DDB1: variants seen among roughly 807,000 people sequenced by gnomAD.
DDB1 encodes DNA damage-binding protein 1.
DDB1 carries 18 observed loss-of-function variants against 133.1 expected under a neutral mutation model. That is an observed-to-expected ratio of 0.14 (90% CI 0.09 to 0.20). DDB1 has a LOEUF of 0.20. Ranked by LOEUF, DDB1 falls within the 10% of genes least tolerant of loss-of-function variation. DDB1 has a pLI of 1.00. For missense variants in DDB1, 828 were observed against 1,459.2 expected, an observed-to-expected ratio of 0.57 and a Z score of 7.05; for synonymous variants, 580 against 550.5, an observed-to-expected ratio of 1.05 and a Z score of -0.75.
rs540988331 is a variant in DDB1, at chr11:61,300,358, C to A, written c.3340-139G>T. 28 of 855,082 alleles carry A rather than the reference C, an allele frequency of 3.3e-5. No individual in the cohort carries two copies. In the African/African-American group the frequency reaches 4.5e-4, roughly 14 times the overall value. The allele number at this position is 855,082 out of a possible 1,614,324, so 53.0% of individuals were successfully genotyped here. On this transcript the variant is annotated intron_variant, in intron 26 of 26. Transcript: ENST00000301764. ...GGAAGGACTCACCAGAAACCCACGC[C>A]TCCCCCTGGGTGGCACAGGTCAGCA...
chr11:61,300,204 C>A lies in DDB1; in HGVS notation c.3355G>T (p.Gly1119Cys). 6.2e-7 allele frequency: 1 copy of A among 1,614,146 alleles called. No individual in the cohort carries two copies. Among genetic ancestry groups the A allele is most frequent in the Non-Finnish European group, 8.5e-7 (1 of 1,180,016 alleles). The change falls in exon 27 of 27, where the codon GGT becomes TGT. Residue 1119 changes from glycine to cysteine, a missense_variant. Gly to Cys is a radical substitution (Grantham distance 159). This residue lies in a region of DDB1 where 116 missense variants were observed against 221.6 expected (regional missense o/e 0.52). Coordinates refer to ENST00000301764, the MANE Select transcript of DDB1 (RefSeq NM_001923.5). Reference sequence around the variant, plus strand: ...TCTGCAGTGGCCTCTCGCTTCATACCGCTGCCATCGTCATACTGCAATGAG... The same window carrying A: ...TCTGCAGTGGCCTCTCGCTTCATACAGCTGCCATCGTCATACTGCAATGAG... Reference protein sequence around the residue: ...VANLQYDDGSGMKREATADDL... With the variant: ...VANLQYDDGSCMKREATADDL...
At chr11:61,322,666 A>T in intron 8 of DDB1, 1 of 550,628 alleles carries the variant, frequency 1.8e-6, no homozygotes. Flanking sequence ...ATGTTTGAAA[A>T]TTAATGTAAA....
chr11:61,315,354 T>C (rs911016476), intron 12 of DDB1: 3 of 152,156 alleles, frequency 2.0e-5, no homozygotes, highest in East Asian at 3.8e-4. Flanking sequence ...AGTTTATATA[T>C]AAGGATGAAA....
intron 18 of DDB1, 48 bp from the exon 19 acceptor site, chr11:61,310,466 T>G (rs1855946474): frequency 6.5e-7 from 1 of 1,544,110 alleles, no homozygotes. Flanking sequence ...ACAGAAGAAG[T>G]GCTGAGACAT....
At chr11:61,317,620 C>T (rs1856113485) in intron 10 of DDB1, among the ~76,000 whole-genome samples, 1 of 152,158 alleles carries the variant, frequency 6.6e-6, no homozygotes. Flanking sequence ...GATTCTCCTG[C>T]CTCAGCCTCC....
chr11:61,308,810 C>T (rs1392486781), intron 21 of DDB1, among the ~76,000 whole-genome samples, 173 bp downstream of exon 21: 1 of 152,286 alleles, frequency 6.6e-6, no homozygotes, highest in East Asian at 1.9e-4. Flanking sequence ...TAGTCTAATG[C>T]GTGGTTCAAC....
In DDB1 at chr11:61,326,826, G is replaced by A; in HGVS notation, c.617C>T (p.Pro206Leu). 2 of 1,614,100 alleles carry A rather than the reference G, an allele frequency of 1.2e-6. No individual in the cohort carries two copies. The highest frequency in any genetic ancestry group is 1.1e-5 in the South Asian group (1 of 91,076). The change falls in exon 5 of 27, where the codon CCT becomes CTT. Residue 206 changes from proline to leucine, a missense_variant. Pro to Leu is a moderately conservative substitution (Grantham distance 98). Coordinates refer to ENST00000301764, the MANE Select transcript of DDB1 (RefSeq NM_001923.5). Reference sequence around the variant, plus strand: ...AGCTTCGACATTTTCCTGTTTCCAAGGGCCCTTATTGAATTCCTTTTCTCG... The same window carrying A: ...AGCTTCGACATTTTCCTGTTTCCAAAGGCCCTTATTGAATTCCTTTTCTCG... ...SLREKEFNKG[P>L]WKQENVEAEA...
intron 10 of DDB1, among the ~76,000 whole-genome samples, chr11:61,319,639 C>T (rs569981960): frequency 2.6e-5 from 4 of 152,182 alleles, no homozygotes; most frequent in African/African-American, 9.6e-5. Flanking sequence ...ACCATGCTGG[C>T]CAGGATGATC....
intron 10 of DDB1, among the ~76,000 whole-genome samples, chr11:61,316,962 T>TGGC (rs1856089066): frequency 4.1e-5 from 1 of 24,112 alleles, no homozygotes; most frequent in Non-Finnish European, 1.1e-4. Context: ...TATATATATA[T>TGGC]ATATATATAT....
chr11:61,316,427 G>C, intron 11 of DDB1, 34 bp from the exon 12 acceptor site: 1 of 1,613,244 alleles, frequency 6.2e-7, no homozygotes, highest in South Asian at 1.1e-5. Flanking sequence ...GTCAGCCTGG[G>C]ACCAGCTTCC....
At chr11:61,303,700 C>CAAAAAAAAAAAAAAAAAAAAAAAAAAAA (rs59840297) in intron 22 of DDB1, among the ~76,000 whole-genome samples, 165 bp downstream of exon 22, 1 of 44,250 alleles carries the variant, frequency 2.3e-5, no homozygotes, top group African/African-American at 7.2e-5. Flanking sequence ...GACTGCGTCT[C>CAAAAAAAAAAAAAAAAAAAAAAAAAAAA]AAAAAAAAAA....
rs772785268 is a variant in DDB1, at chr11:61,303,895, G to T, written c.2802C>A (p.Ala934=). The part of the protein sequence containing the change: ...GDLMRSVLLL[A]YKPMEGNFEE... ...CAAAGTTTCCTTCCATGGGCTTGTA[G>T]GCAAGCAGCAGCACTGAGCGCATAA... The change falls in exon 22 of 27, where the codon GCC becomes GCA. Residue 934 remains alanine, a synonymous_variant. Transcript: ENST00000301764. 6.2e-7 allele frequency: 1 copy of T among 1,613,970 alleles called. No homozygotes were observed. Among genetic ancestry groups the T allele is most frequent in the Non-Finnish European group, 8.5e-7 (1 of 1,180,000 alleles).
intron 22 of DDB1, 128 bp downstream of exon 22, chr11:61,303,737 A>G: frequency 1.4e-6 from 1 of 737,630 alleles, no homozygotes; most frequent in Non-Finnish European, 2.2e-6. Context: ...TAATCAATGT[A>G]GAATGTCTGC....
intron 10 of DDB1, among the ~76,000 whole-genome samples, chr11:61,319,282 T>C (rs1285530945): frequency 6.6e-6 from 1 of 152,216 alleles, no homozygotes; most frequent in African/African-American, 2.4e-5. Flanking sequence ...TATCATACAC[T>C]GAATTTCCAC....
chr11:61,316,630 G>A lies in DDB1; in HGVS notation c.1226-63C>T, dbSNP rs1205151506. 2.2e-5 allele frequency: 34 copies of A among 1,551,692 alleles called. No individual in the cohort carries two copies. The Admixed American group carries it at 4.2e-4, about 19-fold the overall frequency. On this transcript the variant is annotated intron_variant, in intron 10 of 26. Transcript: ENST00000301764. ...ACCAACACTTAGCATGCATATCTAC[G>A]GACAGGGCAGGCCAGGGGCAGTGGC...
In DDB1 at chr11:61,323,965, A is replaced by T; in HGVS notation, c.921+14T>A. On this transcript the variant is annotated intron_variant, in intron 7 of 26. Coordinates refer to ENST00000301764, the MANE Select transcript of DDB1 (RefSeq NM_001923.5). Reference sequence around the variant, plus strand: ...AAAAGAACATTGTAGAGGAACAGGGAGAACAAGCTCTACCTCTCCAAGGAG... The same window carrying T: ...AAAAGAACATTGTAGAGGAACAGGGTGAACAAGCTCTACCTCTCCAAGGAG... 1.2e-6 allele frequency: 2 copies of T among 1,613,354 alleles called. No individual in the cohort carries two copies. The highest frequency in any genetic ancestry group is 3.3e-5 in the Admixed American group (2 of 59,972).
chr11:61,306,933 A>C (rs79381667), intron 21 of DDB1, among the ~76,000 whole-genome samples: 2,614 of 152,252 alleles, frequency 0.017, 85 homozygotes, highest in African/African-American at 0.059. Context: ...TCTGGTCCTA[A>C]AACAATGAAT....
intron 1 of DDB1, 140 bp downstream of exon 1, chr11:61,332,768 G>T: frequency 1.5e-6 from 1 of 674,582 alleles, no homozygotes. Context: ...CGCGGTGCTG[G>T]GGGAGGTTCC....
Position 61,310,255 on chromosome 11 carries a change from G to T in DDB1, c.2401+40C>A, listed in dbSNP as rs1426874369. On this transcript the variant is annotated intron_variant, in intron 19 of 26. Transcript: ENST00000301764. Reference sequence around the variant, plus strand: ...AGAGCCCAGAACAGCCTGGATTAGGGAGGGCGTAGATAAAAATTATCGAAA... The same window carrying T: ...AGAGCCCAGAACAGCCTGGATTAGGTAGGGCGTAGATAAAAATTATCGAAA... The T allele has an allele frequency of 1.9e-6, 3 of 1,588,112 alleles. No individual in the cohort carries two copies. In the African/African-American group the frequency reaches 4.0e-5, roughly 21 times the overall value.
Sources: gnomAD v4.1 joint callset for allele counts (sites outside exome capture counted in the v4.1 genomes callset) on GRCh38, gnomAD v4.1.1 for gene constraint, gnomAD v4.1.1 regional missense constraint, MANE v1.5 for transcripts, NCBI Gene and HGNC (gene_info 2026-07-23, HGNC 2026-07-21) for gene names.